The following RAC1 variants were observed in gnomAD, a reference collection of about 807,000 sequenced individuals.
RAC1 encodes ras-related C3 botulinum toxin substrate 1.
Under a neutral mutation model 25.2 loss-of-function variants are expected in RAC1, and 2 were observed. The observed-to-expected ratio is 0.08, with a 90% CI of 0.03 to 0.25. The LOEUF (loss-of-function observed/expected upper bound fraction) is 0.25, where lower values mean the gene tolerates loss of function less well. RAC1 is among the 10% of genes least tolerant of loss of function. The pLI, the probability that RAC1 is intolerant of heterozygous loss-of-function variation, is 1.00. For synonymous variants in RAC1, 88 were observed against 94.0 expected (o/e 0.94, Z 0.37); for missense variants, 50 against 235.7 (o/e 0.21, Z 5.16).
intron 2 of RAC1, among the ~76,000 whole-genome samples, chr7:6,387,494 G>A (rs971000854): frequency 1.1e-4 from 16 of 152,180 alleles, no homozygotes; most frequent in Admixed American, 3.3e-4. Context: ...AGACTGAGGC[G>A]GGTGGATCAA....
At chr7:6,384,679 C>G (rs997030303) in intron 1 of RAC1, among the ~76,000 whole-genome samples, 1 of 152,132 alleles carries the variant, frequency 6.6e-6, no homozygotes, top group Non-Finnish European at 1.5e-5. Flanking sequence ...CTATGTTGCC[C>G]AGGCTGGTCT....
At chr7:6,398,923 C>G (rs1394709432) in intron 3 of RAC1, among the ~76,000 whole-genome samples, 1 of 152,174 alleles carries the variant, frequency 6.6e-6, no homozygotes, top group African/African-American at 2.4e-5. Context: ...AGTTTGTGAA[C>G]TGTGATCTTC....
At position 6,390,476 on chromosome 7, in the gene RAC1, T is replaced by C. The variant is rs1783060971; in HGVS notation, c.108-1448T>C. Reference sequence around the variant, plus strand: ...TTAACCGGGCATGGTGGCGTGCACCTGTAATCCCAGCTCCTCAGGAGGCTG... The same window carrying C: ...TTAACCGGGCATGGTGGCGTGCACCCGTAATCCCAGCTCCTCAGGAGGCTG... On this transcript the variant is annotated intron_variant, in intron 2 of 5. Transcript: ENST00000348035. 3.3e-5 allele frequency among the ~76,000 whole-genome samples: 5 copies of C among 151,944 alleles called. No homozygotes were observed. In the South Asian group the frequency reaches 1.0e-3, roughly 32 times the overall value.
intron 1 of RAC1, among the ~76,000 whole-genome samples, chr7:6,379,673 G>A (rs1186770232): frequency 1.3e-5 from 2 of 152,258 alleles, no homozygotes; most frequent in Non-Finnish European, 2.9e-5. Context: ...GCCTCCCAAA[G>A]TGCTGGGATT....
intron 3 of RAC1, among the ~76,000 whole-genome samples, chr7:6,393,020 C>T (rs1034322026): frequency 2.6e-5 from 4 of 152,162 alleles, no homozygotes; most frequent in Non-Finnish European, 4.4e-5. Flanking sequence ...GTGCTGCTTT[C>T]CACGTTGTGC....
chr7:6,400,066 A>G lies in RAC1; in HGVS notation c.226-60A>G, dbSNP rs140851964. ...CCTTCCCAGCAACATGTAGAAAGCA[A>G]AGTGCATGCTTCATTCTAAGGTTGT... On this transcript the variant is annotated intron_variant, in intron 3 of 5. Coordinates refer to ENST00000348035, the MANE Select transcript of RAC1 (RefSeq NM_006908.5). The G allele has an allele frequency of 9.0e-5, 129 of 1,441,070 alleles. 1 individual carries two copies. The highest frequency in any genetic ancestry group is 7.0e-4 in the Middle Eastern group (4 of 5,684). The allele number at this position is 1,441,070 out of a possible 1,614,324, so 89.3% of individuals were successfully genotyped here.
intron 3 of RAC1, among the ~76,000 whole-genome samples, chr7:6,393,874 T>C (rs530271451): frequency 9.2e-5 from 14 of 152,246 alleles, no homozygotes; most frequent in Admixed American, 6.5e-4. Flanking sequence ...ATAAGGAAAT[T>C]ATCTTGACAA....
At chr7:6,391,512 G>T in intron 2 of RAC1, 2 of 208,626 alleles carry the variant, frequency 9.6e-6, no homozygotes, top group South Asian at 1.6e-4. Context: ...CCCTGCAGAG[G>T]GTAGCTCTAG....
At chr7:6,384,924 G>GC (rs1782880541) in intron 1 of RAC1, among the ~76,000 whole-genome samples, 2 of 151,932 alleles carry the variant, frequency 1.3e-5, no homozygotes, top group South Asian at 4.1e-4. Flanking sequence ...TCGTGCCTCA[G>GC]CCCCCCAAGT....
chr7:6,378,311 C>A (rs561220794), intron 1 of RAC1, among the ~76,000 whole-genome samples: 2 of 152,096 alleles, frequency 1.3e-5, no homozygotes, highest in Non-Finnish European at 2.9e-5. Flanking sequence ...TTTGGGAGGC[C>A]GAGGCAGGCG....
chr7:6,379,706 GGCC>G (rs1364656941), intron 1 of RAC1, among the ~76,000 whole-genome samples: 4 of 152,124 alleles, frequency 2.6e-5, no homozygotes, highest in African/African-American at 9.7e-5. Flanking sequence ...CATCGTCCCT[GGCC>G]TAAACAACAG....
chr7:6,388,482 T>C (rs1782989585), intron 2 of RAC1, among the ~76,000 whole-genome samples: 1 of 151,780 alleles, frequency 6.6e-6, no homozygotes, highest in South Asian at 2.1e-4. Context: ...GTAGCTGTGA[T>C]TACAGGCATA....
chr7:6,389,631 G>T (rs1021467233), intron 2 of RAC1, among the ~76,000 whole-genome samples: 1 of 152,022 alleles, frequency 6.6e-6, no homozygotes, highest in Non-Finnish European at 1.5e-5. Flanking sequence ...AGTGAGCCAA[G>T]ATTGTGCCTC....
At chr7:6,383,415 C>T (rs984334694) in intron 1 of RAC1, among the ~76,000 whole-genome samples, 2 of 134,702 alleles carry the variant, frequency 1.5e-5, no homozygotes, top group Non-Finnish European at 3.1e-5. Context: ...TTGCACTAAG[C>T]TTAAATATAA....
chr7:6,379,099 A>C (rs1455383761), intron 1 of RAC1, among the ~76,000 whole-genome samples: 1 of 152,078 alleles, frequency 6.6e-6, no homozygotes, highest in African/African-American at 2.4e-5. Context: ...TCAAAAAGGA[A>C]AAAAAAGACA....
chr7:6,377,020 A>G (rs1583255726), intron 1 of RAC1, among the ~76,000 whole-genome samples: 2 of 151,714 alleles, frequency 1.3e-5, no homozygotes, highest in East Asian at 1.9e-4. Flanking sequence ...CCCACCTCCC[A>G]AGAGAGGCGG....
At chr7:6,376,061 T>C (rs1782584023) in intron 1 of RAC1, 2 of 152,118 alleles carry the variant, frequency 1.3e-5, no homozygotes, top group Admixed American at 6.6e-5. Context: ...CAGATTTTGG[T>C]TCTTGCAATT....
chr7:6,401,261 C>G (rs534994280), intron 4 of RAC1, among the ~76,000 whole-genome samples: 1 of 152,112 alleles, frequency 6.6e-6, no homozygotes, highest in African/African-American at 2.4e-5. Context: ...CGGCCTAATA[C>G]GTGGATTTTT....
chr7:6,395,236 G>T (rs1375450261), intron 3 of RAC1, among the ~76,000 whole-genome samples: 1 of 152,196 alleles, frequency 6.6e-6, no homozygotes, highest in East Asian at 1.9e-4. Context: ...AAAGTGCTGG[G>T]ATTACAGGCG....
Sources: allele counts gnomAD v4.1 joint callset (sites outside exome capture counted in the v4.1 genomes callset), GRCh38; gene constraint gnomAD v4.1.1; transcripts MANE v1.5; gene names NCBI Gene and HGNC (gene_info 2026-07-23, HGNC 2026-07-21).